DTNB: variants seen among roughly 807,000 people sequenced by gnomAD.
The protein encoded by DTNB is DTN-B.
A neutral mutation model predicts 90.7 loss-of-function variants in DTNB; 63 were observed. The observed-to-expected ratio is 0.69, with a 90% confidence interval of 0.57 to 0.86. DTNB has a LOEUF of 0.86. Among genes scored for constraint, DTNB ranks in the 40% least tolerant of loss-of-function variants. DTNB has a pLI of 0.00. For missense variants in DTNB, 744 were observed against 807.1 expected (o/e 0.92, Z 0.95); for synonymous variants, 277 against 286.7 (o/e 0.97, Z 0.34).
At chr2:25,548,048 T>G (rs901493722) in intron 8 of DTNB, among the ~76,000 whole-genome samples, 8 of 152,338 alleles carry the variant, frequency 5.3e-5, no homozygotes, top group Admixed American at 1.3e-4. Context: ...TTAAAGAAAT[T>G]AGTCAATAAA....
At chr2:25,410,117 T>TG (rs1257525182) in intron 16 of DTNB, among the ~76,000 whole-genome samples, 1 of 152,192 alleles carries the variant, frequency 6.6e-6, no homozygotes, top group African/African-American at 2.4e-5. Context: ...TGTAGTATTC[T>TG]GGGGGAGGCA....
intron 16 of DTNB, among the ~76,000 whole-genome samples, chr2:25,404,586 G>C (rs2044575342): frequency 6.6e-6 from 1 of 152,136 alleles, no homozygotes; most frequent in Non-Finnish European, 1.5e-5. Context: ...TGGGCACGGT[G>C]GGTCACACCT....
intron 6 of DTNB, among the ~76,000 whole-genome samples, chr2:25,589,871 C>T (rs1160553183): frequency 6.6e-6 from 1 of 152,216 alleles, no homozygotes. Context: ...CTGCACTCGG[C>T]TCACGCTACC....
chr2:25,520,000 T>A (rs2075854274), intron 9 of DTNB, among the ~76,000 whole-genome samples: 2 of 152,164 alleles, frequency 1.3e-5, no homozygotes, highest in African/African-American at 4.8e-5. Flanking sequence ...CCAGACTAAC[T>A]TATCAATATT....
intron 2 of DTNB, among the ~76,000 whole-genome samples, chr2:25,645,048 C>G (rs1009417221): frequency 6.6e-6 from 1 of 152,104 alleles, no homozygotes; most frequent in South Asian, 2.1e-4. Context: ...TTAAATTTAT[C>G]TGAATTTAAC....
At chr2:25,444,744 A>G (rs1048705140) in intron 12 of DTNB, among the ~76,000 whole-genome samples, 38 of 152,172 alleles carry the variant, frequency 2.5e-4, no homozygotes, top group African/African-American at 9.2e-4. Flanking sequence ...ACAATGTGGA[A>G]GAAGGTCTTT....
intron 16 of DTNB, 106 bp downstream of exon 16, chr2:25,419,409 C>T (rs1195629293): frequency 2.0e-6 from 3 of 1,526,640 alleles, no homozygotes; most frequent in African/African-American, 1.4e-5. Flanking sequence ...ACATAAAACC[C>T]TCTTCAGAGA....
intron 12 of DTNB, among the ~76,000 whole-genome samples, chr2:25,435,224 T>C (rs1262884757): frequency 1.3e-5 from 2 of 152,184 alleles, no homozygotes; most frequent in Non-Finnish European, 2.9e-5. Context: ...TTTCACCATA[T>C]TGGCGAGGCT....
chr2:25,644,908 T>C (rs942081671), intron 2 of DTNB, among the ~76,000 whole-genome samples: 5 of 151,828 alleles, frequency 3.3e-5, no homozygotes, highest in Non-Finnish European at 7.4e-5. Context: ...GAGAGGAAGA[T>C]ACAAATACAA....
At chr2:25,649,957 C>A in intron 2 of DTNB, 1 of 952,248 alleles carries the variant, frequency 1.1e-6, no homozygotes, top group Non-Finnish European at 1.3e-6. Flanking sequence ...CAGCAGCAGA[C>A]ACTATAGTCA....
At chr2:25,435,931 T>C (rs1015584464) in intron 12 of DTNB, among the ~76,000 whole-genome samples, 4 of 152,258 alleles carry the variant, frequency 2.6e-5, no homozygotes, top group African/African-American at 9.6e-5. Flanking sequence ...ATGACTAGTA[T>C]GTTGAGCGTA....
chr2:25,419,288 T>C, intron 16 of DTNB: 1 of 631,830 alleles, frequency 1.6e-6, no homozygotes, highest in Non-Finnish European at 2.8e-6. Context: ...GCACAACAGA[T>C]GGGTACTTAC....
At chr2:25,632,710 C>T (rs1223142895) in intron 3 of DTNB, among the ~76,000 whole-genome samples, 1 of 146,168 alleles carries the variant, frequency 6.8e-6, no homozygotes, top group African/African-American at 2.5e-5. Flanking sequence ...TATATGGCCC[C>T]TCAATCTTAG....
chr2:25,450,163 T>A, intron 12 of DTNB, among the ~76,000 whole-genome samples: 1 of 152,306 alleles, frequency 6.6e-6, no homozygotes, highest in East Asian at 1.9e-4. Flanking sequence ...TTTAGTAGCT[T>A]TATGGTTTTA....
intron 8 of DTNB, among the ~76,000 whole-genome samples, chr2:25,549,653 T>C (rs544881659): frequency 1.3e-5 from 2 of 152,136 alleles, no homozygotes; most frequent in African/African-American, 4.8e-5. Flanking sequence ...CCTGATTTAT[T>C]TGCTTCCTTC....
chr2:25,488,786 G>A (rs2066741944), intron 9 of DTNB, among the ~76,000 whole-genome samples: 1 of 152,126 alleles, frequency 6.6e-6, no homozygotes, highest in South Asian at 2.1e-4. Flanking sequence ...GAGTAGCTGG[G>A]ATTACAGGCA....
chr2:25,465,209 T>C (rs1176082301), intron 10 of DTNB, among the ~76,000 whole-genome samples: 1 of 151,980 alleles, frequency 6.6e-6, no homozygotes, highest in Non-Finnish European at 1.5e-5. Flanking sequence ...ACCCTGTCTC[T>C]ACTAAAAACA....
At chr2:25,552,555 C>CATTA (rs1404519307) in intron 8 of DTNB, among the ~76,000 whole-genome samples, 1 of 152,342 alleles carries the variant, frequency 6.6e-6, no homozygotes, top group Non-Finnish European at 1.5e-5. Context: ...CTATCCCCAT[C>CATTA]ATTAGCAGCA....
At chr2:25,392,783 C>T (rs1400301925) in intron 16 of DTNB, among the ~76,000 whole-genome samples, 3 of 152,104 alleles carry the variant, frequency 2.0e-5, no homozygotes, top group Non-Finnish European at 2.9e-5. Context: ...AGTCCAGGAC[C>T]AGATGGATTC....
Sources: allele counts gnomAD v4.1 joint callset (sites outside exome capture counted in the v4.1 genomes callset), GRCh38; gene constraint gnomAD v4.1.1; transcripts MANE v1.5; gene names NCBI Gene and HGNC (gene_info 2026-07-23, HGNC 2026-07-21).